Variants in DROSHA observed in about 807,000 individuals in gnomAD.
DROSHA encodes ribonuclease 3.
Under a neutral mutation model 181.9 loss-of-function variants are expected in DROSHA, and 56 were observed. That is an observed-to-expected ratio of 0.31 (90% confidence interval 0.25 to 0.38). DROSHA has a LOEUF of 0.38. DROSHA is among the 10% of genes least tolerant of loss of function. DROSHA has a pLI of 1.00. For synonymous variants in DROSHA, 524 were observed against 591.2 expected, an observed-to-expected ratio of 0.89 and a Z score of 1.65; for missense variants, 1,218 against 1,743.5, an observed-to-expected ratio of 0.70 and a Z score of 5.37.
chr5:31,421,238 AATCT>A, intron 30 of DROSHA, 30 bp downstream of exon 30: 1 of 1,521,630 alleles, frequency 6.6e-7, no homozygotes, highest in Non-Finnish European at 9.1e-7. Context: ...GCTTTACAGC[AATCT>A]TATTGGAGGA....
At chr5:31,528,964 C>T (rs749585146) in intron 4 of DROSHA, 76 bp downstream of exon 4, 182 of 1,575,074 alleles carry the variant, frequency 1.2e-4, no homozygotes, top group Non-Finnish European at 1.4e-4. Flanking sequence ...TCCTTTCCAC[C>T]CTCTATAGCC....
intron 10 of DROSHA, chr5:31,505,682 T>C (rs985160217): frequency 3.3e-5 from 5 of 152,190 alleles, no homozygotes; most frequent in East Asian, 1.9e-4. Context: ...TTTAAAAATA[T>C]AGGCTGGTCA....
chr5:31,462,644 A>AG (rs34747828), intron 20 of DROSHA, among the ~76,000 whole-genome samples: 3 of 13,924 alleles, frequency 2.2e-4, no homozygotes, highest in African/African-American at 4.0e-4. Flanking sequence ...TCACAAAAAG[A>AG]AAAAAAAAGG....
intron 16 of DROSHA, among the ~76,000 whole-genome samples, chr5:31,481,825 G>C (rs547389462): frequency 6.6e-6 from 1 of 152,202 alleles, no homozygotes; most frequent in Non-Finnish European, 1.5e-5. Flanking sequence ...CAGGAGGAAA[G>C]TAAGGAGCAC....
chr5:31,449,496 G>A, intron 21 of DROSHA, 77 bp from the exon 22 acceptor site: 3 of 1,470,446 alleles, frequency 2.0e-6, no homozygotes, highest in Non-Finnish European at 2.7e-6. Flanking sequence ...GTAATCCTAA[G>A]GTGGAGGGAC....
chr5:31,420,408 T>A (rs746342512), intron 30 of DROSHA, among the ~76,000 whole-genome samples: 12 of 152,218 alleles, frequency 7.9e-5, no homozygotes, highest in Non-Finnish European at 1.6e-4. Context: ...CTTCTGGATG[T>A]TTTGTTCACC....
chr5:31,528,145 G>A (rs1740814448), intron 4 of DROSHA, among the ~76,000 whole-genome samples: 2 of 151,966 alleles, frequency 1.3e-5, no homozygotes, highest in African/African-American at 4.8e-5. Context: ...ATTCCTCAGG[G>A]GTCTAGCCCA....
chr5:31,510,736 G>T (rs774434421), intron 9 of DROSHA, among the ~76,000 whole-genome samples: 1 of 152,216 alleles, frequency 6.6e-6, no homozygotes, highest in Admixed American at 6.5e-5. Flanking sequence ...GAGGCAGGGG[G>T]CATGGGCTCC....
intron 18 of DROSHA, chr5:31,467,181 G>C (rs1749142161): frequency 6.7e-6 from 1 of 150,352 alleles, no homozygotes; most frequent in South Asian, 2.1e-4. Context: ...TATCCAAAGG[G>C]GGAAAAAAAA....
chr5:31,411,632 T>C lies in DROSHA; in HGVS notation c.3526-745A>G, dbSNP rs1426333585. On this transcript the variant is annotated intron_variant, in intron 30 of 35. Coordinates refer to ENST00000344624, the MANE Select transcript of DROSHA (RefSeq NM_001382508.1). This position sits in a 1 kb window ranked among gnomAD's most constrained non-coding sequence, Gnocchi z 4.2. ...TGAGTCTCAGTTTTTCATACTGATA[T>C]CCTTTTTTTTGAGACAGGCTCTTGC... 6.6e-6 allele frequency among the ~76,000 whole-genome samples: 1 copy of C among 152,222 alleles called. No homozygotes were observed. The highest frequency in any genetic ancestry group is 2.4e-5 in the African/African-American group (1 of 41,454).
chr5:31,461,080 C>T (rs189420395), intron 20 of DROSHA, among the ~76,000 whole-genome samples: 170 of 152,134 alleles, frequency 1.1e-3, no homozygotes, highest in African/African-American at 4.0e-3. Flanking sequence ...TTATTAAGGA[C>T]GTAAAAAGAC....
chr5:31,529,734 C>CA (rs70955715), intron 3 of DROSHA, among the ~76,000 whole-genome samples: 2,077 of 91,202 alleles, frequency 0.023, 27 homozygotes, highest in African/African-American at 0.041. Flanking sequence ...AAAAAACAAA[C>CA]AAAAAAAAAA....
intron 11 of DROSHA, 49 bp downstream of exon 11, chr5:31,504,506 T>C (rs770651572): frequency 6.3e-7 from 1 of 1,587,432 alleles, no homozygotes; most frequent in African/African-American, 1.3e-5. Flanking sequence ...AACATCTGTC[T>C]ACTTCTGGCT....
At chr5:31,517,252 T>A (rs752186069) in intron 6 of DROSHA, among the ~76,000 whole-genome samples, 3 of 152,230 alleles carry the variant, frequency 2.0e-5, no homozygotes, top group Non-Finnish European at 2.9e-5. Flanking sequence ...CCTCCCTCTG[T>A]CATATGCATT....
At chr5:31,446,342 T>G (rs368617596) in intron 23 of DROSHA, among the ~76,000 whole-genome samples, 33 of 147,768 alleles carry the variant, frequency 2.2e-4, no homozygotes, top group East Asian at 1.3e-3. Flanking sequence ...AGCTACTCGG[T>G]AGGCTGAGGC....
At position 31,495,510 on chromosome 5, in the gene DROSHA, G is replaced by C. The variant is rs1011765254; in HGVS notation, c.1669-138C>G. On this transcript the variant is annotated intron_variant, in intron 11 of 35. Transcript: ENST00000344624. ...CTTCACAGACTGGTAGGAAAGAACA[G>C]TATTGGCTTTGCCATACCTAGACCA... The C allele has an allele frequency of 5.0e-6, 4 of 796,088 alleles. No homozygotes were observed. The African/African-American group carries it at 5.2e-5, about 10-fold the overall frequency. The allele number at this position is 796,088 out of a possible 1,614,324, so 49.3% of individuals were successfully genotyped here. A position where few individuals can be genotyped will look rare whatever the true frequency, so the allele number is the denominator to read the frequency against.
intron 14 of DROSHA, among the ~76,000 whole-genome samples, chr5:31,486,121 G>A (rs1561236882): frequency 6.6e-6 from 1 of 152,150 alleles, no homozygotes; most frequent in Non-Finnish European, 1.5e-5. Flanking sequence ...TCTTGTCATT[G>A]GAGATAACGA....
At chr5:31,466,360 G>C (rs1332413224) in intron 18 of DROSHA, 79 bp from the exon 19 acceptor site, 1 of 1,182,428 alleles carries the variant, frequency 8.5e-7, no homozygotes, top group Non-Finnish European at 1.3e-6. Context: ...ATTTTAAGAG[G>C]CCTCTTCAAA....
At chr5:31,478,221 T>G (rs1189494516) in intron 16 of DROSHA, among the ~76,000 whole-genome samples, 2 of 152,222 alleles carry the variant, frequency 1.3e-5, no homozygotes, top group Non-Finnish European at 2.9e-5. Context: ...ATGTCCAATC[T>G]TTCAGCTTCC....
Sources: allele counts gnomAD v4.1 joint callset (sites outside exome capture counted in the v4.1 genomes callset), GRCh38; gene constraint gnomAD v4.1.1; non-coding constraint Gnocchi (gnomAD v3.1); transcripts MANE v1.5; gene names NCBI Gene and HGNC (gene_info 2026-07-23, HGNC 2026-07-21).